CXCL13: variants seen among roughly 807,000 people sequenced by gnomAD.
The protein encoded by CXCL13 is C-X-C motif chemokine ligand 13, also known as C-X-C motif chemokine 13.
CXCL13 carries 7 observed loss-of-function variants against 12.2 expected under a neutral mutation model. The observed-to-expected ratio is 0.57, with a 90% CI of 0.33 to 1.07. The LOEUF (loss-of-function observed/expected upper bound fraction) is 1.07, where lower values mean the gene tolerates loss of function less well. Among genes scored for constraint, CXCL13 ranks in the 50% least tolerant of loss-of-function variants. The pLI, the probability that CXCL13 is intolerant of heterozygous loss-of-function variation, is 0.04. For synonymous variants in CXCL13, 47 were observed against 42.4 expected, an observed-to-expected ratio of 1.11 and a Z score of -0.42; for missense variants, 113 against 127.4, an observed-to-expected ratio of 0.89 and a Z score of 0.55.
chr4:77,542,341 G>C (rs938664824), intron 1 of CXCL13, among the ~76,000 whole-genome samples: 3 of 152,058 alleles, frequency 2.0e-5, no homozygotes, highest in African/African-American at 7.2e-5. Context: ...TGTTGGCTAC[G>C]GGTTTGTCAT....
chr4:77,538,668 G>T (rs1500499), intron 1 of CXCL13, among the ~76,000 whole-genome samples: 1 of 152,074 alleles, frequency 6.6e-6, no homozygotes, highest in African/African-American at 2.4e-5. Flanking sequence ...GGTAGAAATG[G>T]CTACCTGGAT....
chr4:77,596,358 G>A (rs997096133), intron 1 of CXCL13, among the ~76,000 whole-genome samples: 24 of 152,212 alleles, frequency 1.6e-4, no homozygotes, highest in African/African-American at 5.1e-4. Context: ...AAGGGAACAC[G>A]TACACTGTTG....
intron 1 of CXCL13, among the ~76,000 whole-genome samples, chr4:77,572,588 T>C (rs1329696487): frequency 6.6e-6 from 1 of 151,350 alleles, no homozygotes; most frequent in African/African-American, 2.4e-5. Context: ...CAAAAAAAAA[T>C]AGATGTTCGT....
chr4:77,515,756 G>A (rs968722064), intron 1 of CXCL13, among the ~76,000 whole-genome samples: 2 of 152,174 alleles, frequency 1.3e-5, no homozygotes, highest in Non-Finnish European at 2.9e-5. Context: ...TCTGCCAACA[G>A]GGACAATTTG....
rs148597678 is a variant in CXCL13 at position 77,584,017 on chromosome 4, G to A, written c.-42-21807G>A. Among the ~76,000 whole-genome samples, 830 of 152,274 alleles carry A rather than the reference G, an allele frequency of 5.5e-3. 11 individuals carry two copies. The highest frequency in any genetic ancestry group is 0.019 in the African/African-American group (795 of 41,556). On this transcript the variant is annotated intron_variant, in intron 1 of 4. Coordinates refer to the CXCL13 transcript ENST00000286758. ...CAGACAGGCAAGGTAAGACCCAGTG[G>A]AAATGGGCTAAGGATGCCACTGAGA...
At chr4:77,555,243 T>G (rs1725634050) in intron 1 of CXCL13, among the ~76,000 whole-genome samples, 1 of 151,912 alleles carries the variant, frequency 6.6e-6, no homozygotes, top group Admixed American at 6.6e-5. Context: ...ACTGCAGGCA[T>G]TAAAAAGATA....
chr4:77,517,636 C>G (rs1190472993), intron 1 of CXCL13, among the ~76,000 whole-genome samples: 1 of 152,008 alleles, frequency 6.6e-6, no homozygotes, highest in Non-Finnish European at 1.5e-5. Flanking sequence ...CAGCCCCTGC[C>G]TTTTTTTGTT....
intron 1 of CXCL13, among the ~76,000 whole-genome samples, chr4:77,564,194 A>G (rs1250942253): frequency 6.6e-6 from 1 of 152,230 alleles, no homozygotes; most frequent in Non-Finnish European, 1.5e-5. Context: ...GGTAAGAGGA[A>G]GAGCAAAGTA....
chr4:77,570,139 G>A (rs1420280397), intron 1 of CXCL13, among the ~76,000 whole-genome samples: 1 of 152,190 alleles, frequency 6.6e-6, no homozygotes, highest in East Asian at 1.9e-4. Flanking sequence ...ATGGATTAAA[G>A]ACTTCAATGT....
intron 1 of CXCL13, among the ~76,000 whole-genome samples, chr4:77,563,874 T>C (rs1410706134): frequency 1.3e-5 from 2 of 152,198 alleles, no homozygotes; most frequent in East Asian, 1.9e-4. Context: ...CAAATCTTCA[T>C]GTATAAAAGT....
At chr4:77,522,676 G>C (rs188754507) in intron 1 of CXCL13, among the ~76,000 whole-genome samples, 1 of 151,502 alleles carries the variant, frequency 6.6e-6, no homozygotes, top group Admixed American at 6.6e-5. Flanking sequence ...TTATCAGTTT[G>C]TGTGTTTTAA....
chr4:77,561,845 C>T (rs925083949), intron 1 of CXCL13, among the ~76,000 whole-genome samples: 10 of 152,294 alleles, frequency 6.6e-5, no homozygotes, highest in Middle Eastern at 3.4e-3. Context: ...CTGGGCTGGC[C>T]GAGGCTGGAG....
chr4:77,582,489 AGG>A (rs936611638), intron 1 of CXCL13, among the ~76,000 whole-genome samples: 22 of 152,282 alleles, frequency 1.4e-4, no homozygotes, highest in Middle Eastern at 3.4e-3. Flanking sequence ...ATAGAAAGTG[AGG>A]AGAGAGAGAG....
At chr4:77,594,891 C>T (rs1383167376) in intron 1 of CXCL13, among the ~76,000 whole-genome samples, 1 of 151,852 alleles carries the variant, frequency 6.6e-6, no homozygotes, top group Admixed American at 6.6e-5. Context: ...GCACGTCCTG[C>T]ACATGTATCC....
At chr4:77,568,901 C>G (rs975372042) in intron 1 of CXCL13, among the ~76,000 whole-genome samples, 3 of 152,106 alleles carry the variant, frequency 2.0e-5, no homozygotes, top group Non-Finnish European at 4.4e-5. Flanking sequence ...CTTATTGTCT[C>G]TTTATTTAAT....
intron 1 of CXCL13, among the ~76,000 whole-genome samples, chr4:77,580,308 CTTTTTTTTTTTTTTTTTTTTTTTTT>C (rs1015001550): frequency 5.7e-5 from 1 of 17,628 alleles, no homozygotes; most frequent in African/African-American, 2.1e-4. Flanking sequence ...AGTTTTCTTT[CTTTTTTTTTTTTTTTTTTTTTTTTT>C]TTTTTTTTTT....
In CXCL13 at chr4:77,571,349, G is replaced by A. The variant is rs1036025307; in HGVS notation, c.-42-34475G>A. Among the ~76,000 whole-genome samples, 11 of 150,908 alleles carry A rather than the reference G, an allele frequency of 7.3e-5. No homozygotes were observed. The East Asian group carries it at 1.2e-3, about 16-fold the overall frequency. On this transcript the variant is annotated intron_variant, in intron 1 of 4. Coordinates refer to the CXCL13 transcript ENST00000286758. ...CTCAAGGTTTGTGAGTGCACCAATC[G>A]ACACTCTGTATCTAGCTGCTCTGGT...
intron 1 of CXCL13, among the ~76,000 whole-genome samples, chr4:77,538,580 G>A (rs1221934000): frequency 6.6e-6 from 1 of 152,026 alleles, no homozygotes; most frequent in East Asian, 1.9e-4. Context: ...AGATGATAGG[G>A]GCTTTGTGCT....
At chr4:77,540,249 A>G (rs1725167762) in intron 1 of CXCL13, among the ~76,000 whole-genome samples, 1 of 152,150 alleles carries the variant, frequency 6.6e-6, no homozygotes, top group African/African-American at 2.4e-5. Flanking sequence ...TGCCATAAAT[A>G]CATTTTTTAA....
Sources: gnomAD v4.1 joint callset for allele counts (sites outside exome capture counted in the v4.1 genomes callset) on GRCh38, gnomAD v4.1.1 for gene constraint, MANE v1.5 for transcripts, NCBI Gene and HGNC (gene_info 2026-07-23, HGNC 2026-07-21) for gene names.